The following ERN1 variants were observed in gnomAD, a reference collection of about 807,000 sequenced individuals.
ERN1 encodes serine/threonine-protein kinase/endoribonuclease IRE1.
ERN1 carries 39 observed loss-of-function variants against 113.1 expected under a neutral mutation model. The ratio of observed to expected loss-of-function variants is 0.34; its 90% CI spans 0.27 to 0.45. ERN1 has a LOEUF of 0.45. Ranked by LOEUF, ERN1 falls within the 20% of genes least tolerant of loss-of-function variation. The pLI is 1.00. For missense variants in ERN1, 976 were observed against 1,274.8 expected, an observed-to-expected ratio of 0.77 and a Z score of 3.57; for synonymous variants, 507 against 515.9, an observed-to-expected ratio of 0.98 and a Z score of 0.23.
Position 64,045,499 on chromosome 17 carries a change from G to A in ERN1, c.2530-17C>T, listed in dbSNP as rs1347402442. The A allele has an allele frequency of 1.9e-6, 3 of 1,613,754 alleles. No individual in the cohort carries two copies. The African/African-American group carries it at 4.0e-5, about 22-fold the overall frequency. On this transcript the variant is annotated splice_polypyrimidine_tract_variant and intron_variant, in intron 19 of 21. Coordinates refer to ENST00000433197, the MANE Select transcript of ERN1 (RefSeq NM_001433.5). ...GCTCACGTCCTGTGAGAGAAACAAG[G>A]GCAGCAGATGATGGTCAGTGCTGGA...
chr17:64,053,387 C>T lies in ERN1; in HGVS notation c.1954-16G>A. ...GCTCCACATACTGCAAAAGACATGA[C>T]AGCAAGGTCACGGCACACAGTCCTC... On this transcript the variant is annotated splice_polypyrimidine_tract_variant and intron_variant, in intron 15 of 21. Transcript: ENST00000433197. 2 of 1,574,624 alleles carry T rather than the reference C, an allele frequency of 1.3e-6. No individual in the cohort carries two copies. Among genetic ancestry groups the T allele is most frequent in the South Asian group, 1.2e-5 (1 of 86,332 alleles).
intron 2 of ERN1, 136 bp from the exon 3 acceptor site, chr17:64,080,944 T>C: frequency 1.4e-6 from 1 of 732,466 alleles, no homozygotes; most frequent in East Asian, 2.7e-5. Flanking sequence ...CTAGTGCACG[T>C]GAAGGTTATA....
At chr17:64,121,510 T>C (rs867576554) in intron 1 of ERN1, among the ~76,000 whole-genome samples, 11 of 152,178 alleles carry the variant, frequency 7.2e-5, no homozygotes, top group African/African-American at 2.7e-4. Context: ...GTTGTTGTTG[T>C]TGAGACGGAG....
intron 1 of ERN1, among the ~76,000 whole-genome samples, chr17:64,124,414 A>G (rs1915027050): frequency 6.6e-6 from 1 of 152,206 alleles, no homozygotes; most frequent in South Asian, 2.1e-4. Flanking sequence ...CTCATCTTGT[A>G]GCTCCCACTA....
chr17:64,087,494 C>G (rs984754216), intron 2 of ERN1, among the ~76,000 whole-genome samples: 5 of 152,270 alleles, frequency 3.3e-5, no homozygotes, highest in Admixed American at 3.3e-4. Context: ...CCTAGAAACT[C>G]AGGAAGTCCC....
intron 2 of ERN1, among the ~76,000 whole-genome samples, chr17:64,096,004 T>C (rs1914219060): frequency 6.6e-6 from 1 of 152,346 alleles, no homozygotes; most frequent in Admixed American, 6.5e-5. Flanking sequence ...GTTGAAGTCC[T>C]GTGTTCTCAT....
chr17:64,057,554 G>C (rs992077189), intron 12 of ERN1, among the ~76,000 whole-genome samples: 1 of 152,116 alleles, frequency 6.6e-6, no homozygotes, highest in Non-Finnish European at 1.5e-5. Flanking sequence ...ATTTTTAGTA[G>C]AGACAGGGTT....
chr17:64,082,923 C>T (rs1296356312), intron 2 of ERN1, among the ~76,000 whole-genome samples: 1 of 152,062 alleles, frequency 6.6e-6, no homozygotes. Flanking sequence ...CATTTCCCAT[C>T]CACTCAGTAA....
chr17:64,102,152 G>A (rs1914401868), intron 1 of ERN1, among the ~76,000 whole-genome samples: 1 of 152,148 alleles, frequency 6.6e-6, no homozygotes. Flanking sequence ...CAGGCCTGGT[G>A]GCAGACACCT....
chr17:64,055,670 T>C lies in ERN1; in HGVS notation c.1672+5A>G, dbSNP rs1283525425. The C allele has an allele frequency of 2.5e-6, 4 of 1,570,130 alleles. No individual in the cohort carries two copies. The Admixed American group carries it at 7.6e-5, about 30-fold the overall frequency. The stretch of plus-strand genomic sequence containing the variant: ...AAATAGCACCAAGATGGCAACTGGC[T>C]TTACCTCCATCGTCTTGTTCCAGGG... On this transcript the variant is annotated splice_donor_5th_base_variant and intron_variant, in intron 13 of 21. Coordinates refer to ENST00000433197, the MANE Select transcript of ERN1 (RefSeq NM_001433.5).
chr17:64,114,882 G>C (rs1769307883), intron 1 of ERN1, among the ~76,000 whole-genome samples: 1 of 152,156 alleles, frequency 6.6e-6, no homozygotes, highest in Non-Finnish European at 1.5e-5. Context: ...CTTCGTAGGA[G>C]AGCGTAGTAA....
At chr17:64,116,859 C>CTTTG (rs201363831) in intron 1 of ERN1, among the ~76,000 whole-genome samples, 2,164 of 151,022 alleles carry the variant, frequency 0.014, 45 homozygotes, top group African/African-American at 0.049. Context: ...AATCCCAGCA[C>CTTTG]TTTGGGAGGC....
Position 64,053,300 on chromosome 17 carries a change from GCC to G in ERN1, c.2023_2024del (p.Gly675ProfsTer73). 3 of 1,611,138 alleles carry G rather than the reference GCC, an allele frequency of 1.9e-6. No homozygotes were observed. Among genetic ancestry groups the G allele is most frequent in the Non-Finnish European group, 2.5e-6 (3 of 1,179,208 alleles). On this transcript the variant is annotated frameshift_variant, in exon 16 of 22. Coordinates refer to ENST00000433197, the MANE Select transcript of ERN1 (RefSeq NM_001433.5). LOFTEE classifies it high-confidence loss of function. Reference sequence around the variant, plus strand: ...TGTTGAGGGAGTGGAGGTGGGCCAGGCCCGAGGTGGTCTGCTGCAGCAAGGTG... The same window carrying G: ...TGTTGAGGGAGTGGAGGTGGGCCAGGCGAGGTGGTCTGCTGCAGCAAGGTG... ...PITLLQQTTSGLAHLHSLNIV... is the reference protein window; with the variant it reads ...PITLLQQTTSXLAHLHSLNIV...
At chr17:64,060,320 A>T (rs1320766997) in intron 11 of ERN1, 149 bp downstream of exon 11, 1 of 624,092 alleles carries the variant, frequency 1.6e-6, no homozygotes, top group Non-Finnish European at 2.9e-6. Context: ...ACTAGCCCTT[A>T]ACCATTTATG....
At chr17:64,090,995 A>T (rs1914072754) in intron 2 of ERN1, among the ~76,000 whole-genome samples, 2 of 152,244 alleles carry the variant, frequency 1.3e-5, no homozygotes, top group South Asian at 4.1e-4. Flanking sequence ...CATAAAACTT[A>T]ATTTTCAATC....
chr17:64,058,012 G>A lies in ERN1; in HGVS notation c.1207-19C>T. The A allele has an allele frequency of 6.7e-7, 1 of 1,501,690 alleles. No homozygotes were observed. Among genetic ancestry groups the A allele is most frequent in the Non-Finnish European group, 8.9e-7 (1 of 1,124,492 alleles). The allele number at this position is 1,501,690 out of a possible 1,614,324, so 93.0% of individuals were successfully genotyped here. On this transcript the variant is annotated intron_variant, in intron 11 of 21. Transcript: ENST00000433197. ...TGATAACCTTGCATGGGAGAGAGTT[G>A]CGACATCACTGCAAAATTTCTAGCC... is the stretch of plus-strand genomic sequence containing the variant.
At chr17:64,046,298 A>G (rs1912511623) in intron 19 of ERN1, among the ~76,000 whole-genome samples, 2 of 152,238 alleles carry the variant, frequency 1.3e-5, no homozygotes, top group South Asian at 4.1e-4. Flanking sequence ...CACTGGGAAC[A>G]CACGTGTCTG....
intron 1 of ERN1, among the ~76,000 whole-genome samples, chr17:64,117,495 G>T (rs567042131): frequency 2.0e-5 from 3 of 152,066 alleles, no homozygotes; most frequent in African/African-American, 7.2e-5. Flanking sequence ...AGAAAGTAAA[G>T]AAAAATCAAC....
At chr17:64,085,455 T>C (rs1459686609) in intron 2 of ERN1, among the ~76,000 whole-genome samples, 1 of 152,122 alleles carries the variant, frequency 6.6e-6, no homozygotes, top group Non-Finnish European at 1.5e-5. Context: ...ATTCACTCAC[T>C]ACAATGAGGA....
Sources: gnomAD v4.1 joint callset for allele counts (sites outside exome capture counted in the v4.1 genomes callset) on GRCh38, gnomAD v4.1.1 for gene constraint, MANE v1.5 for transcripts, NCBI Gene and HGNC (gene_info 2026-07-23, HGNC 2026-07-21) for gene names.